POLQ: variants seen among roughly 807,000 people sequenced by gnomAD.
POLQ encodes DNA polymerase theta.
POLQ carries 233 observed loss-of-function variants against 259.2 expected under a neutral mutation model. That is an observed-to-expected ratio of 0.90 (90% CI 0.81 to 1.00). The LOEUF (loss-of-function observed/expected upper bound fraction) is 1.00. POLQ is among the 50% of genes least tolerant of loss of function. The pLI, the probability that POLQ is intolerant of heterozygous loss-of-function variation, is 0.00. For synonymous variants in POLQ, 1,025 were observed against 1,048.8 expected (o/e 0.98, Z 0.44); for missense variants, 2,871 against 3,051.6 (o/e 0.94, Z 1.39).
intron 13 of POLQ, 35 bp downstream of exon 13, chr3:121,498,442 T>C: frequency 6.6e-7 from 1 of 1,518,444 alleles, no homozygotes; most frequent in Non-Finnish European, 9.1e-7. Context: ...GACACTGTGT[T>C]AAATACCGGA....
intron 28 of POLQ, 100 bp downstream of exon 28, chr3:121,436,022 T>G: frequency 1.0e-6 from 1 of 993,914 alleles, no homozygotes; most frequent in East Asian, 2.4e-5. Flanking sequence ...CCAAAACATT[T>G]GAGAACTGTT....
chr3:121,539,703 T>C, intron 3 of POLQ, 114 bp from the exon 4 acceptor site: 1 of 746,678 alleles, frequency 1.3e-6, no homozygotes, highest in South Asian at 1.6e-5. Flanking sequence ...ACCAGATTAC[T>C]GTCATCAGTT....
intron 24 of POLQ, among the ~76,000 whole-genome samples, chr3:121,465,451 T>G (rs1560090952): frequency 6.6e-6 from 1 of 152,188 alleles, no homozygotes; most frequent in Non-Finnish European, 1.5e-5. Flanking sequence ...TTTCAAAACA[T>G]AAGTTTTATA....
Position 121,493,566 on chromosome 3 carries a change from C to T in POLQ, c.2434G>A (p.Ala812Thr). ...LNAQRARVLYASGFHTVADLA... is the reference protein window; with the variant it reads ...LNAQRARVLYTSGFHTVADLA... Reference sequence around the variant, plus strand: ...TCTGCCACAGTATGAAAGCCAGAAGCATAGAGAACCCTGGCTCTCTGAGCA... The same window carrying T: ...TCTGCCACAGTATGAAAGCCAGAAGTATAGAGAACCCTGGCTCTCTGAGCA... Residue 812 changes from alanine (A) to threonine (T), a missense_variant, in exon 15 of 30, where the codon GCT becomes ACT. Physicochemically the swap from Ala to Thr is moderately conservative, Grantham distance 58. This residue lies in a region of POLQ where 2,080 missense variants were observed against 2,126.0 expected (regional missense o/e 0.98). Coordinates refer to ENST00000264233, the MANE Select transcript of POLQ (RefSeq NM_199420.4). 6.2e-7 allele frequency: 1 copy of T among 1,613,954 alleles called. No individual in the cohort carries two copies. Among genetic ancestry groups the T allele is most frequent in the Non-Finnish European group, 8.5e-7 (1 of 1,179,852 alleles).
intron 16 of POLQ, among the ~76,000 whole-genome samples, chr3:121,486,352 C>A (rs1299411884): frequency 6.6e-6 from 1 of 151,420 alleles, no homozygotes; most frequent in Non-Finnish European, 1.5e-5. Flanking sequence ...GGATTGAGAC[C>A]ATCCTGGCTA....
At chr3:121,512,144 T>G (rs1241873888) in intron 9 of POLQ, 115 bp from the exon 10 acceptor site, 1 of 818,140 alleles carries the variant, frequency 1.2e-6, no homozygotes. Context: ...TGATAGTGGT[T>G]GTTATGGTAA....
chr3:121,465,090 CT>C lies in POLQ; in HGVS notation c.6967+2428del, dbSNP rs527974666. ...ACTGGAAATGTTTTTTTTCTTTTTTCTTTTTTTTTTTTTTGACATAGGGTCT... is the reference window on the plus strand; with the variant it reads ...ACTGGAAATGTTTTTTTTCTTTTTTCTTTTTTTTTTTTTGACATAGGGTCT... On this transcript the variant is annotated intron_variant, in intron 24 of 29. Coordinates refer to ENST00000264233, the MANE Select transcript of POLQ (RefSeq NM_199420.4). Among the ~76,000 whole-genome samples the C allele has an allele frequency of 6.3e-3, 891 of 140,806 alleles. 4 individuals are homozygous for C. The highest frequency in any genetic ancestry group is 0.011 in the Middle Eastern group (3 of 272). The allele number at this position is 140,806 out of a possible 152,430, so 92.4% of individuals were successfully genotyped here.
At chr3:121,461,883 T>C (rs2047794881) in intron 24 of POLQ, among the ~76,000 whole-genome samples, 1 of 152,150 alleles carries the variant, frequency 6.6e-6, no homozygotes, top group African/African-American at 2.4e-5. Context: ...AGCTTCCCAA[T>C]ACACATCTTT....
Position 121,510,053 on chromosome 3 carries a change from C to G in POLQ, c.1802G>C (p.Ser601Thr). The G allele has an allele frequency of 6.2e-7, 1 of 1,613,574 alleles. No homozygotes were observed. The highest frequency in any genetic ancestry group is 8.5e-7 in the Non-Finnish European group (1 of 1,179,476). Residue 601 changes from serine (S) to threonine (T), a missense_variant, in exon 11 of 30, where the codon AGT becomes ACT. Physicochemically the swap from Ser to Thr is moderately conservative, Grantham distance 58. Around this residue, in one of 3 missense-constraint regions of POLQ, gnomAD observed 783 missense variants for 906.2 expected, o/e 0.86. Transcript: ENST00000264233. Reference sequence around the variant, plus strand: ...GTCACACTTACCTTCTGTTCCATCACTGGCTTCTGTACTCTGGATGAATTC... The same window carrying G: ...GTCACACTTACCTTCTGTTCCATCAGTGGCTTCTGTACTCTGGATGAATTC... ...ENEFIQSTEA[S>T]DGTEGKVYHP...
intron 6 of POLQ, among the ~76,000 whole-genome samples, chr3:121,531,483 G>C (rs2048411467): frequency 1.3e-5 from 2 of 152,168 alleles, no homozygotes; most frequent in Non-Finnish European, 2.9e-5. Flanking sequence ...AGAGCACTAA[G>C]AGGGGTGGGG....
At chr3:121,447,346 T>C (rs757943584) in intron 26 of POLQ, among the ~76,000 whole-genome samples, 3 of 151,884 alleles carry the variant, frequency 2.0e-5, no homozygotes, top group Non-Finnish European at 2.9e-5. Context: ...AATTTTTGTA[T>C]TTTTTTGTAG....
At chr3:121,518,288 G>C (rs12488196) in intron 9 of POLQ, among the ~76,000 whole-genome samples, 105,090 of 152,028 alleles carry the variant, frequency 0.69, 36,514 homozygotes, top group East Asian at 0.89. Context: ...ACATTAGATA[G>C]CATTTCAGTA....
chr3:121,458,530 T>C (rs1232098005), intron 25 of POLQ, among the ~76,000 whole-genome samples: 10 of 152,202 alleles, frequency 6.6e-5, no homozygotes, highest in Admixed American at 6.5e-4. Flanking sequence ...TCCTCCTCTA[T>C]AAAATGGTGA....
intron 7 of POLQ, among the ~76,000 whole-genome samples, chr3:121,527,941 C>T (rs988563418): frequency 1.3e-5 from 2 of 152,174 alleles, no homozygotes; most frequent in Non-Finnish European, 2.9e-5. Flanking sequence ...ATACTTACAA[C>T]ACGTGAGCTT....
At chr3:121,445,902 T>C (rs1033831264) in intron 26 of POLQ, among the ~76,000 whole-genome samples, 3 of 152,006 alleles carry the variant, frequency 2.0e-5, no homozygotes, top group African/African-American at 7.2e-5. Flanking sequence ...TTTTGTTTTG[T>C]TGTTCTTTTG....
intron 7 of POLQ, among the ~76,000 whole-genome samples, chr3:121,528,464 C>T (rs1162305971): frequency 6.6e-6 from 1 of 152,012 alleles, no homozygotes; most frequent in Non-Finnish European, 1.5e-5. Context: ...CCACCTCAGC[C>T]TCCCGAGTAG....
chr3:121,544,747 C>T lies in POLQ; in HGVS notation c.323G>A (p.Gly108Glu), dbSNP rs1426803493. The T allele has an allele frequency of 6.2e-7, 1 of 1,609,858 alleles. No individual in the cohort carries two copies. The highest frequency in any genetic ancestry group is 8.5e-7 in the Non-Finnish European group (1 of 1,177,358). Reference sequence around the variant, plus strand: ...GATACCTGAATAAACTAAATTCTTTCCTTCCAGGACTTGTCCAAGCAAAAG... The same window carrying T: ...GATACCTGAATAAACTAAATTCTTTTCTTCCAGGACTTGTCCAAGCAAAAG... ...ECLLLGQVLE[G>E]KNLVYSAPTS... The change falls in exon 2 of 30, where the codon GGA becomes GAA. Residue 108 changes from glycine (G) to glutamate (E), a missense_variant. By Grantham distance (98) the Gly-to-Glu change is moderately conservative. Transcript: ENST00000264233.
intron 26 of POLQ, among the ~76,000 whole-genome samples, chr3:121,445,788 A>G (rs1008627003): frequency 6.6e-6 from 1 of 151,868 alleles, no homozygotes; most frequent in African/African-American, 2.4e-5. Context: ...GCTTGAACCC[A>G]GGAGGCAGAT....
rs184033225 is a variant in POLQ at position 121,502,775 on chromosome 3, A to G, written c.1960-4105T>C. 2.6e-5 allele frequency among the ~76,000 whole-genome samples: 4 copies of G among 152,358 alleles called. No homozygotes were observed. The East Asian group carries it at 7.7e-4, about 29-fold the overall frequency. On this transcript the variant is annotated intron_variant, in intron 12 of 29. Coordinates refer to ENST00000264233, the MANE Select transcript of POLQ (RefSeq NM_199420.4). ...TTAAATTACATAAAATACTAAGTATAACAACGTACTGTTAGGTTTGCAACA... is the reference window on the plus strand; with the variant it reads ...TTAAATTACATAAAATACTAAGTATGACAACGTACTGTTAGGTTTGCAACA...
Sources: allele counts gnomAD v4.1 joint callset (sites outside exome capture counted in the v4.1 genomes callset), GRCh38; gene constraint gnomAD v4.1.1; regional missense constraint gnomAD v4.1.1; transcripts MANE v1.5; gene names NCBI Gene and HGNC (gene_info 2026-07-23, HGNC 2026-07-21).